SPATA16: variants seen among roughly 807,000 people sequenced by gnomAD.
The protein encoded by SPATA16 is spermatogenesis-associated protein 16.
A neutral mutation model predicts 63.3 loss-of-function variants in SPATA16; 36 were observed. The observed-to-expected ratio is 0.57, with a 90% CI of 0.44 to 0.75. The LOEUF is 0.75. Ranked by LOEUF, SPATA16 falls within the 30% of genes least tolerant of loss-of-function variation. The pLI is 0.00. For missense variants in SPATA16, 646 were observed against 679.3 expected, an observed-to-expected ratio of 0.95 and a Z score of 0.54; for synonymous variants, 203 against 216.7, an observed-to-expected ratio of 0.94 and a Z score of 0.56.
intron 4 of SPATA16, among the ~76,000 whole-genome samples, chr3:172,993,751 C>A (rs537532115): frequency 6.6e-6 from 1 of 152,208 alleles, no homozygotes; most frequent in South Asian, 2.1e-4. Context: ...TACCTCTTTG[C>A]TTTTCTTCTC....
At chr3:173,018,681 C>T (rs998973574) in intron 4 of SPATA16, among the ~76,000 whole-genome samples, 8 of 152,156 alleles carry the variant, frequency 5.3e-5, no homozygotes, top group East Asian at 1.9e-4. Context: ...CACCCCATCT[C>T]GATTCCTGCA....
intron 6 of SPATA16, among the ~76,000 whole-genome samples, chr3:172,935,410 A>G (rs1384354294): frequency 6.6e-6 from 1 of 152,256 alleles, no homozygotes; most frequent in Non-Finnish European, 1.5e-5. Flanking sequence ...TATGCAGTAT[A>G]TTGTAAACAA....
intron 5 of SPATA16, among the ~76,000 whole-genome samples, chr3:172,966,464 C>CTA (rs1027318908): frequency 1.2e-4 from 18 of 151,846 alleles, no homozygotes; most frequent in African/African-American, 1.7e-4. Flanking sequence ...GTAGGCTGCA[C>CTA]TATATATATA....
chr3:172,950,200 GAGGCAAAC>G, intron 6 of SPATA16, among the ~76,000 whole-genome samples: 1 of 152,310 alleles, frequency 6.6e-6, no homozygotes, highest in East Asian at 1.9e-4. Context: ...ATGGAGACCA[GAGGCAAAC>G]AGCGCTGTCA....
intron 2 of SPATA16, among the ~76,000 whole-genome samples, chr3:173,107,216 G>A (rs550286417): frequency 3.3e-5 from 5 of 152,150 alleles, no homozygotes; most frequent in East Asian, 1.9e-4. Flanking sequence ...TTAATAAACT[G>A]TGGTTGATTT....
intron 3 of SPATA16, among the ~76,000 whole-genome samples, chr3:173,038,476 A>T (rs1735763658): frequency 6.6e-6 from 1 of 152,044 alleles, no homozygotes; most frequent in Non-Finnish European, 1.5e-5. Flanking sequence ...AATCTTTTAA[A>T]ATATTTTTGG....
chr3:173,051,152 T>C (rs542999911), intron 2 of SPATA16, among the ~76,000 whole-genome samples: 1 of 152,310 alleles, frequency 6.6e-6, no homozygotes, highest in African/African-American at 2.4e-5. Context: ...ATTATGTAGT[T>C]TTATTTATCC....
intron 10 of SPATA16, among the ~76,000 whole-genome samples, chr3:172,909,589 C>A (rs1732316475): frequency 6.6e-6 from 1 of 152,168 alleles, no homozygotes; most frequent in African/African-American, 2.4e-5. Context: ...TTAGTGTCAA[C>A]TGTAAGCCAC....
In SPATA16 at chr3:172,927,870, T is replaced by G. The variant is rs564632215; in HGVS notation, c.1082-2378A>C. ...ACTAACAGAGTGACTTTTAGGCATC[T>G]TAACATACAGATTGCAAGTATTAGA... is the stretch of plus-strand genomic sequence containing the variant. On this transcript the variant is annotated intron_variant, in intron 6 of 10. Coordinates refer to ENST00000351008, the MANE Select transcript of SPATA16 (RefSeq NM_031955.6). Among the ~76,000 whole-genome samples, 6 of 152,300 alleles carry G rather than the reference T, an allele frequency of 3.9e-5. No individual in the cohort carries two copies. In the South Asian group the frequency reaches 1.2e-3, roughly 32 times the overall value.
At chr3:172,901,598 A>G (rs1427787214) in intron 10 of SPATA16, among the ~76,000 whole-genome samples, 1 of 152,170 alleles carries the variant, frequency 6.6e-6, no homozygotes, top group Admixed American at 6.5e-5. Context: ...TTTTGGTGTG[A>G]TGAGTGATCT....
At chr3:173,073,808 T>C (rs1736727654) in intron 2 of SPATA16, among the ~76,000 whole-genome samples, 1 of 152,182 alleles carries the variant, frequency 6.6e-6, no homozygotes, top group South Asian at 2.1e-4. Flanking sequence ...CCCAGAATGC[T>C]AGATCCACTG....
chr3:173,028,414 A>G (rs1735518936), intron 3 of SPATA16, among the ~76,000 whole-genome samples: 1 of 151,948 alleles, frequency 6.6e-6, no homozygotes. Flanking sequence ...TTATGAAATA[A>G]GGAATCTAAT....
At chr3:172,906,656 C>T (rs1405321354) in intron 10 of SPATA16, among the ~76,000 whole-genome samples, 2 of 152,218 alleles carry the variant, frequency 1.3e-5, no homozygotes, top group East Asian at 3.9e-4. Context: ...GTTTAGGCTC[C>T]AGGGTCAGAT....
At chr3:172,891,600 C>A (rs1024030761) in intron 10 of SPATA16, among the ~76,000 whole-genome samples, 2 of 152,122 alleles carry the variant, frequency 1.3e-5, no homozygotes, top group African/African-American at 4.8e-5. Context: ...GATTTCTAAA[C>A]CCTTAACATG....
intron 2 of SPATA16, among the ~76,000 whole-genome samples, chr3:173,113,422 C>T (rs952288220): frequency 2.0e-5 from 3 of 152,152 alleles, no homozygotes; most frequent in Non-Finnish European, 4.4e-5. Flanking sequence ...ATTTTACCCA[C>T]ATAACTGGTT....
chr3:172,941,149 A>G (rs756302588), intron 6 of SPATA16, among the ~76,000 whole-genome samples: 4 of 152,300 alleles, frequency 2.6e-5, no homozygotes, highest in Non-Finnish European at 4.4e-5. Context: ...GAAAATTTCA[A>G]AATGAAGCAG....
intron 6 of SPATA16, among the ~76,000 whole-genome samples, chr3:172,948,720 G>A (rs1381273384): frequency 6.6e-6 from 1 of 151,968 alleles, no homozygotes; most frequent in Non-Finnish European, 1.5e-5. Context: ...CTCCCACCTC[G>A]GCTTCCAAAG....
intron 5 of SPATA16, among the ~76,000 whole-genome samples, chr3:172,963,819 G>C (rs1246287600): frequency 2.0e-5 from 3 of 152,120 alleles, no homozygotes; most frequent in Non-Finnish European, 4.4e-5. Context: ...GAGTACTGGT[G>C]ATTCTTCCAA....
intron 4 of SPATA16, among the ~76,000 whole-genome samples, chr3:173,008,299 C>A (rs1734988658): frequency 2.0e-5 from 3 of 152,084 alleles, no homozygotes; most frequent in Admixed American, 6.6e-5. Flanking sequence ...ACTCTTTAGA[C>A]AATTTATAGC....
Sources: gnomAD v4.1 joint callset for allele counts (sites outside exome capture counted in the v4.1 genomes callset) on GRCh38, gnomAD v4.1.1 for gene constraint, MANE v1.5 for transcripts, NCBI Gene and HGNC (gene_info 2026-07-23, HGNC 2026-07-21) for gene names.